Variants in CACNA1E observed in about 807,000 individuals in gnomAD.
The protein encoded by CACNA1E is voltage-dependent R-type calcium channel subunit alpha-1E.
Under a neutral mutation model 259.2 loss-of-function variants are expected in CACNA1E, and 40 were observed. That is an observed-to-expected ratio of 0.15 (90% confidence interval 0.12 to 0.20). CACNA1E has a LOEUF of 0.20. CACNA1E is among the 10% of genes least tolerant of loss of function. The pLI is 1.00. For missense variants in CACNA1E, 1,874 were observed against 3,040.1 expected, an observed-to-expected ratio of 0.62 and a Z score of 9.02; for synonymous variants, 1,104 against 1,138.5, an observed-to-expected ratio of 0.97 and a Z score of 0.61.
chr1:181,379,138 G>T (rs1655293623), intron 1 of CACNA1E, among the ~76,000 whole-genome samples: 1 of 152,078 alleles, frequency 6.6e-6, no homozygotes, highest in South Asian at 2.1e-4. Flanking sequence ...ATAAACAGAG[G>T]CCAAGTCCAT....
chr1:181,409,264 ATTTATTTTCT>A (rs1197481938), intron 1 of CACNA1E, among the ~76,000 whole-genome samples: 1 of 152,162 alleles, frequency 6.6e-6, no homozygotes, highest in African/African-American at 2.4e-5. Flanking sequence ...AGCTTGAAAT[ATTTATTTTCT>A]GGCCCTTTGC....
chr1:181,545,861 A>G (rs977560571), intron 3 of CACNA1E, among the ~76,000 whole-genome samples: 2 of 152,116 alleles, frequency 1.3e-5, no homozygotes, highest in African/African-American at 4.8e-5. Context: ...CCCCAAGTCC[A>G]AACACTTTCT....
At chr1:181,794,802 C>A (rs1387647562) in intron 45 of CACNA1E, 62 bp from the exon 46 acceptor site, 1 of 1,477,488 alleles carries the variant, frequency 6.8e-7, no homozygotes, top group Non-Finnish European at 9.2e-7. Context: ...TGCTTCTGTC[C>A]TTTTAGATCT....
chr1:181,683,515 G>A (rs796982045), intron 7 of CACNA1E, among the ~76,000 whole-genome samples: 13 of 152,250 alleles, frequency 8.5e-5, no homozygotes, highest in African/African-American at 2.9e-4. Flanking sequence ...CTGAGGTTTG[G>A]TGTACAAATG....
At chr1:181,651,554 C>T in intron 7 of CACNA1E, 113 bp downstream of exon 7, 1 of 702,808 alleles carries the variant, frequency 1.4e-6, no homozygotes, top group Non-Finnish European at 2.5e-6. Flanking sequence ...AAGACACTTA[C>T]CTAGCAGTTC....
chr1:181,711,449 T>C (rs1380037167), intron 8 of CACNA1E, among the ~76,000 whole-genome samples: 2 of 152,220 alleles, frequency 1.3e-5, no homozygotes, highest in African/African-American at 4.8e-5. Flanking sequence ...TTCTAAGCAC[T>C]TGGGATATGG....
intron 6 of CACNA1E, among the ~76,000 whole-genome samples, chr1:181,585,914 T>C (rs1652012819): frequency 6.6e-6 from 1 of 152,088 alleles, no homozygotes; most frequent in African/African-American, 2.4e-5. Context: ...CTGAGTGAGA[T>C]GGGAAAGCAA....
intron 1 of CACNA1E, among the ~76,000 whole-genome samples, chr1:181,343,247 T>C (rs1169073273): frequency 6.6e-6 from 1 of 152,098 alleles, no homozygotes; most frequent in Non-Finnish European, 1.5e-5. Context: ...GAGGCTGATA[T>C]GGGCTGGATG....
chr1:181,713,515 C>A (rs999917285), intron 8 of CACNA1E, among the ~76,000 whole-genome samples: 1 of 152,134 alleles, frequency 6.6e-6, no homozygotes, highest in Non-Finnish European at 1.5e-5. Context: ...GAGTACCATC[C>A]CAGCCTTAAA....
At chr1:181,544,369 A>G (rs1647232541) in intron 3 of CACNA1E, among the ~76,000 whole-genome samples, 1 of 151,012 alleles carries the variant, frequency 6.6e-6, no homozygotes, top group Non-Finnish European at 1.5e-5. Flanking sequence ...AAAATTAGAT[A>G]GTGGTGATGG....
At chr1:181,636,421 C>T (rs1351109236) in intron 6 of CACNA1E, among the ~76,000 whole-genome samples, 4 of 152,200 alleles carry the variant, frequency 2.6e-5, no homozygotes, top group South Asian at 2.1e-4. Flanking sequence ...CTCCAAAACA[C>T]GTTGACTCTT....
At chr1:181,670,388 A>G (rs1302451584) in intron 7 of CACNA1E, among the ~76,000 whole-genome samples, 1 of 152,202 alleles carries the variant, frequency 6.6e-6, no homozygotes, top group Non-Finnish European at 1.5e-5. Flanking sequence ...TGTCAAGTGT[A>G]TCACTACATT....
intron 2 of CACNA1E, among the ~76,000 whole-genome samples, chr1:181,422,216 C>G (rs964157935): frequency 6.6e-6 from 1 of 152,182 alleles, no homozygotes; most frequent in Non-Finnish European, 1.5e-5. Context: ...AGTTGACCAC[C>G]AACCCCCACA....
intron 8 of CACNA1E, among the ~76,000 whole-genome samples, chr1:181,714,754 C>T (rs1049587362): frequency 6.6e-6 from 1 of 152,202 alleles, no homozygotes; most frequent in Non-Finnish European, 1.5e-5. Context: ...CTCTTTGGCT[C>T]AGGCTCTGGT....
chr1:181,658,802 G>T (rs763475404), intron 7 of CACNA1E, among the ~76,000 whole-genome samples: 6 of 152,108 alleles, frequency 3.9e-5, no homozygotes, highest in Non-Finnish European at 8.8e-5. Context: ...TCACAATAGG[G>T]GCCTTATAGG....
intron 3 of CACNA1E, among the ~76,000 whole-genome samples, chr1:181,512,741 A>G (rs1051349393): frequency 6.6e-6 from 1 of 152,216 alleles, no homozygotes; most frequent in Non-Finnish European, 1.5e-5. Flanking sequence ...AATATGGGAA[A>G]TGGATAAATA....
chr1:181,520,558 A>G (rs973555336), intron 3 of CACNA1E, among the ~76,000 whole-genome samples: 1 of 152,240 alleles, frequency 6.6e-6, no homozygotes, highest in Non-Finnish European at 1.5e-5. Context: ...ACAGAAACAA[A>G]TTTCACTGAA....
At chr1:181,690,803 G>A (rs972426734) in intron 7 of CACNA1E, among the ~76,000 whole-genome samples, 1 of 151,998 alleles carries the variant, frequency 6.6e-6, no homozygotes, top group African/African-American at 2.4e-5. Context: ...GAATGCTTGT[G>A]ATTTTTGCAC....
At chr1:181,780,690 TTCC>T (rs1660348351) in intron 38 of CACNA1E, among the ~76,000 whole-genome samples, 1 of 152,222 alleles carries the variant, frequency 6.6e-6, no homozygotes, top group Non-Finnish European at 1.5e-5. Context: ...CAAGATGCTC[TTCC>T]TCCTCCTGTT....
Sources: allele counts gnomAD v4.1 joint callset (sites outside exome capture counted in the v4.1 genomes callset), GRCh38; gene constraint gnomAD v4.1.1; transcripts MANE v1.5; gene names NCBI Gene and HGNC (gene_info 2026-07-23, HGNC 2026-07-21).